The following NYAP2 variants were observed in gnomAD, a reference collection of about 807,000 sequenced individuals.
NYAP2 encodes the protein neuronal tyrosine-phosphorylated phosphoinositide-3-kinase adapter 2.
Under a neutral mutation model 50.4 loss-of-function variants are expected in NYAP2, and 23 were observed. The observed-to-expected ratio is 0.46, with a 90% CI of 0.33 to 0.65. The LOEUF (loss-of-function observed/expected upper bound fraction) is 0.65. NYAP2 is among the 30% of genes least tolerant of loss of function. The pLI, the probability that NYAP2 is intolerant of heterozygous loss-of-function variation, is 0.02. For missense variants in NYAP2, 885 were observed against 861.0 expected (o/e 1.03, Z -0.35); for synonymous variants, 394 against 365.2 (o/e 1.08, Z -0.90).
At chr2:225,638,506 A>C (rs1425798809) in intron 6 of NYAP2, among the ~76,000 whole-genome samples, 2 of 152,040 alleles carry the variant, frequency 1.3e-5, no homozygotes, top group Non-Finnish European at 2.9e-5. Context: ...TTGGTCCTGG[A>C]GAGGAACTCT....
intron 6 of NYAP2, among the ~76,000 whole-genome samples, chr2:225,628,890 T>C (rs1211504569): frequency 6.6e-6 from 1 of 152,138 alleles, no homozygotes; most frequent in Admixed American, 6.6e-5. Flanking sequence ...AAAAAAGATA[T>C]CCTTACATTT....
chr2:225,404,956 A>T (rs1011029773), intron 2 of NYAP2, among the ~76,000 whole-genome samples: 2 of 151,976 alleles, frequency 1.3e-5, no homozygotes, highest in African/African-American at 4.8e-5. Context: ...CAAATTTTAA[A>T]TGTTGGCCAC....
At chr2:225,428,986 C>G (rs1695326000) in intron 3 of NYAP2, among the ~76,000 whole-genome samples, 1 of 152,094 alleles carries the variant, frequency 6.6e-6, no homozygotes, top group African/African-American at 2.4e-5. Flanking sequence ...TCTGTTTAAT[C>G]CAGATAATAT....
intron 3 of NYAP2, among the ~76,000 whole-genome samples, chr2:225,426,996 A>G (rs1236786280): frequency 6.6e-6 from 1 of 152,244 alleles, no homozygotes; most frequent in Admixed American, 6.5e-5. Flanking sequence ...AAGAAAAATA[A>G]GACTAGTTCC....
intron 6 of NYAP2, among the ~76,000 whole-genome samples, chr2:225,648,289 T>G (rs1182895206): frequency 6.6e-6 from 1 of 152,122 alleles, no homozygotes; most frequent in East Asian, 1.9e-4. Context: ...TGTGAGCCAC[T>G]GCACCCGGCC....
chr2:225,489,049 A>T (rs1690358489), intron 3 of NYAP2, among the ~76,000 whole-genome samples: 1 of 152,194 alleles, frequency 6.6e-6, no homozygotes, highest in Non-Finnish European at 1.5e-5. Flanking sequence ...ATGACTGATG[A>T]TGTCAATGGT....
chr2:225,665,027 A>G, the NYAP2 span, among the ~76,000 whole-genome samples: 7 of 152,214 alleles, frequency 4.6e-5, no homozygotes, highest in African/African-American at 1.7e-4. Context: ...TAAGACATTT[A>G]TAGTCTCTGA....
At chr2:225,616,641 C>T (rs1362563947) in intron 5 of NYAP2, among the ~76,000 whole-genome samples, 1 of 152,158 alleles carries the variant, frequency 6.6e-6, no homozygotes, top group African/African-American at 2.4e-5. Context: ...TCTGTAAGAG[C>T]TTTCTAGAAA....
At chr2:225,435,817 C>A (rs1252454948) in intron 3 of NYAP2, among the ~76,000 whole-genome samples, 2 of 152,156 alleles carry the variant, frequency 1.3e-5, no homozygotes, top group Non-Finnish European at 2.9e-5. Flanking sequence ...ACTACATGAT[C>A]ATGAATGCTA....
intron 4 of NYAP2, among the ~76,000 whole-genome samples, chr2:225,543,527 G>A (rs1189383776): frequency 1.3e-5 from 2 of 151,874 alleles, no homozygotes; most frequent in South Asian, 2.1e-4. Flanking sequence ...TCATTCAGGA[G>A]CATGTTGTTT....
intron 6 of NYAP2, among the ~76,000 whole-genome samples, chr2:225,643,036 A>C (rs565246305): frequency 6.6e-6 from 1 of 152,334 alleles, no homozygotes; most frequent in South Asian, 2.1e-4. Flanking sequence ...CAGGAGTAAA[A>C]TAAATGACCT....
chr2:225,526,049 T>G (rs890276608), intron 4 of NYAP2, among the ~76,000 whole-genome samples: 4 of 152,058 alleles, frequency 2.6e-5, no homozygotes, highest in African/African-American at 9.7e-5. Flanking sequence ...CAACAATGAG[T>G]GAGCCTGGAA....
chr2:225,519,819 T>C (rs1473142767), intron 4 of NYAP2, among the ~76,000 whole-genome samples: 2 of 152,218 alleles, frequency 1.3e-5, no homozygotes, highest in Non-Finnish European at 2.9e-5. Context: ...ATGGTATTTC[T>C]AGTTTTAGAT....
chr2:225,415,651 T>C (rs912577687), intron 3 of NYAP2, among the ~76,000 whole-genome samples: 1 of 152,140 alleles, frequency 6.6e-6, no homozygotes, highest in African/African-American at 2.4e-5. Context: ...ATAGCTAATA[T>C]TATTAGATTT....
At chr2:225,519,788 G>C (rs1167116008) in intron 4 of NYAP2, among the ~76,000 whole-genome samples, 1 of 152,190 alleles carries the variant, frequency 6.6e-6, no homozygotes, top group Non-Finnish European at 1.5e-5. Flanking sequence ...TATATACCCA[G>C]TAATGGGATG....
intron 3 of NYAP2, among the ~76,000 whole-genome samples, chr2:225,512,268 C>G (rs1690832779): frequency 6.6e-6 from 1 of 152,138 alleles, no homozygotes; most frequent in Non-Finnish European, 1.5e-5. Flanking sequence ...GGAAACTTTG[C>G]ATACACTGAA....
At chr2:225,444,368 C>A (rs1689519041) in intron 3 of NYAP2, among the ~76,000 whole-genome samples, 2 of 152,322 alleles carry the variant, frequency 1.3e-5, no homozygotes, top group Admixed American at 6.5e-5. Flanking sequence ...TCATCTGTAT[C>A]TCCACTGCTT....
chr2:225,622,518 C>CTTTCTTTCTTTCT (rs149175182), intron 5 of NYAP2, among the ~76,000 whole-genome samples: 2 of 70,396 alleles, frequency 2.8e-5, no homozygotes, highest in African/African-American at 8.3e-5. Context: ...TTCTTTCTTT[C>CTTTCTTTCTTTCT]TTCTTTCTTT....
At chr2:225,497,749 C>T (rs1162567134) in intron 3 of NYAP2, among the ~76,000 whole-genome samples, 1 of 152,132 alleles carries the variant, frequency 6.6e-6, no homozygotes, top group Non-Finnish European at 1.5e-5. Context: ...ATGAAATTTT[C>T]TGTCTGGAAA....
Sources: allele counts gnomAD v4.1 joint callset (sites outside exome capture counted in the v4.1 genomes callset), GRCh38; gene constraint gnomAD v4.1.1; transcripts MANE v1.5; gene names NCBI Gene and HGNC (gene_info 2026-07-23, HGNC 2026-07-21).